Variants in CCDC73 observed in about 807,000 individuals in gnomAD.
The protein encoded by CCDC73 is coiled-coil domain containing 73, also known as coiled-coil domain-containing protein 73.
A neutral mutation model predicts 116.5 loss-of-function variants in CCDC73; 95 were observed. The observed-to-expected ratio is 0.82, with a 90% CI of 0.69 to 0.97. The LOEUF is 0.97. CCDC73 is among the 50% of genes least tolerant of loss of function. CCDC73 has a pLI of 0.00. For synonymous variants in CCDC73, 398 were observed against 401.3 expected (o/e 0.99, Z 0.10); for missense variants, 1,066 against 1,206.8 (o/e 0.88, Z 1.73).
intron 11 of CCDC73, 115 bp from the exon 12 acceptor site, chr11:32,653,342 C>A: frequency 1.2e-5 from 7 of 586,686 alleles, no homozygotes; most frequent in Non-Finnish European, 2.0e-5. Flanking sequence ...AGTTTAATTT[C>A]AATACTTTAT....
At chr11:32,606,618 T>A (rs1166659906) in intron 17 of CCDC73, among the ~76,000 whole-genome samples, 1 of 152,102 alleles carries the variant, frequency 6.6e-6, no homozygotes, top group Non-Finnish European at 1.5e-5. Flanking sequence ...GAAGAAACAT[T>A]TTTTCTATTG....
rs151318406 is a variant in CCDC73, at chr11:32,733,224, C to T, written c.136-15077G>A. Among the ~76,000 whole-genome samples the T allele has an allele frequency of 7.1e-3, 1,088 of 152,226 alleles. 17 individuals are homozygous for T. The highest frequency in any genetic ancestry group is 0.025 in the African/African-American group (1,050 of 41,540). On this transcript the variant is annotated intron_variant, in intron 2 of 17. Coordinates refer to ENST00000335185, the MANE Select transcript of CCDC73 (RefSeq NM_001008391.4). ...AATTCAACAAGAAGAGCTAACTATC[C>T]TAAATATATATGCACCTAATTCAGG...
chr11:32,740,934 C>T (rs1046464600), intron 2 of CCDC73, among the ~76,000 whole-genome samples: 3 of 152,074 alleles, frequency 2.0e-5, no homozygotes, highest in Non-Finnish European at 4.4e-5. Context: ...CATTGACCAA[C>T]TGATCATTCA....
At chr11:32,653,789 A>G (rs1855847232) in intron 11 of CCDC73, among the ~76,000 whole-genome samples, 189 bp downstream of exon 11, 1 of 152,338 alleles carries the variant, frequency 6.6e-6, no homozygotes, top group Non-Finnish European at 1.5e-5. Context: ...GGTCTAATCT[A>G]TCAAGGAAAA....
At chr11:32,696,031 G>C (rs1449508799) in intron 6 of CCDC73, among the ~76,000 whole-genome samples, 1 of 151,974 alleles carries the variant, frequency 6.6e-6, no homozygotes, top group Non-Finnish European at 1.5e-5. Flanking sequence ...GGATATGTGA[G>C]GTATGGTTAG....
chr11:32,786,499 A>G (rs1314045562), intron 1 of CCDC73, among the ~76,000 whole-genome samples: 1 of 145,858 alleles, frequency 6.9e-6, no homozygotes, highest in Non-Finnish European at 1.5e-5. Context: ...TTTATAACAT[A>G]CTTGTTATTA....
At chr11:32,708,352 T>C (rs1324623709) in intron 3 of CCDC73, among the ~76,000 whole-genome samples, 2 of 152,232 alleles carry the variant, frequency 1.3e-5, no homozygotes, top group African/African-American at 4.8e-5. Flanking sequence ...TCTCCAGATT[T>C]GTTCTTTTTG....
chr11:32,798,261 T>C (rs566774172), upstream of CCDC73, among the ~76,000 whole-genome samples: 1 of 152,386 alleles, frequency 6.6e-6, no homozygotes, highest in East Asian at 1.9e-4. Flanking sequence ...CATAGCACTG[T>C]GCTTGGCCGA....
chr11:32,758,157 G>C (rs1334397015), intron 2 of CCDC73: 2 of 169,560 alleles, frequency 1.2e-5, no homozygotes, highest in Non-Finnish European at 2.6e-5. Context: ...TTTTTAAGAA[G>C]AAAGCTCTCT....
chr11:32,759,961 G>A, intron 2 of CCDC73, 148 bp downstream of exon 2: 1 of 650,196 alleles, frequency 1.5e-6, no homozygotes, highest in Non-Finnish European at 2.7e-6. Flanking sequence ...TACTTAATCT[G>A]TCCTATTCTC....
At chr11:32,724,515 A>T (rs1308917150) in intron 2 of CCDC73, among the ~76,000 whole-genome samples, 2 of 152,174 alleles carry the variant, frequency 1.3e-5, no homozygotes, top group East Asian at 3.8e-4. Context: ...GAGATCTTTA[A>T]TCCCCATTGT....
chr11:32,632,373 G>A (rs760939664), intron 14 of CCDC73, among the ~76,000 whole-genome samples: 7 of 152,072 alleles, frequency 4.6e-5, no homozygotes, highest in Non-Finnish European at 8.8e-5. Flanking sequence ...CTACAGGCGC[G>A]TGCCACCATG....
intron 17 of CCDC73, 62 bp downstream of exon 17, chr11:32,611,070 C>G (rs1337198304): frequency 1.9e-6 from 3 of 1,549,820 alleles, no homozygotes; most frequent in Non-Finnish European, 2.7e-6. Context: ...GCGTACAGTT[C>G]TACACATATC....
chr11:32,630,323 GTTTGT>G (rs574987818), intron 14 of CCDC73, among the ~76,000 whole-genome samples: 5 of 152,080 alleles, frequency 3.3e-5, no homozygotes, highest in Non-Finnish European at 7.4e-5. Flanking sequence ...TTTTTTGTTT[GTTTGT>G]TTTGTTTTGT....
At chr11:32,609,268 T>A (rs1855391588) in intron 17 of CCDC73, among the ~76,000 whole-genome samples, 1 of 152,208 alleles carries the variant, frequency 6.6e-6, no homozygotes, top group Non-Finnish European at 1.5e-5. Context: ...CCAAGTCACC[T>A]CTTGAATGCT....
intron 14 of CCDC73, among the ~76,000 whole-genome samples, chr11:32,621,970 A>G (rs1244714580): frequency 6.6e-6 from 1 of 152,218 alleles, no homozygotes; most frequent in Non-Finnish European, 1.5e-5. Flanking sequence ...ATACCATCTC[A>G]CGCCAAGTCA....
intron 9 of CCDC73, among the ~76,000 whole-genome samples, chr11:32,657,972 C>T (rs1260337338): frequency 6.6e-6 from 1 of 151,286 alleles, no homozygotes; most frequent in Admixed American, 6.6e-5. Flanking sequence ...AGTGACCCCC[C>T]ACCGCCCCCA....
intron 9 of CCDC73, among the ~76,000 whole-genome samples, chr11:32,674,669 C>G (rs923716735): frequency 6.7e-6 from 1 of 148,174 alleles, no homozygotes; most frequent in Non-Finnish European, 1.5e-5. Flanking sequence ...CTATTGTAGG[C>G]TGACTGCCAG....
At chr11:32,702,358 T>C (rs1237253333) in intron 4 of CCDC73, among the ~76,000 whole-genome samples, 4 of 152,176 alleles carry the variant, frequency 2.6e-5, no homozygotes, top group Non-Finnish European at 4.4e-5. Context: ...CAAGGATTCA[T>C]TTGATTTTTT....
Sources: allele counts gnomAD v4.1 joint callset (sites outside exome capture counted in the v4.1 genomes callset), GRCh38; gene constraint gnomAD v4.1.1; transcripts MANE v1.5; gene names NCBI Gene and HGNC (gene_info 2026-07-23, HGNC 2026-07-21).